The following ELOVL5 variants were observed in gnomAD, a reference collection of about 807,000 sequenced individuals.
The protein encoded by ELOVL5 is very long chain fatty acid elongase 5.
A neutral mutation model predicts 38.6 loss-of-function variants in ELOVL5; 8 were observed. The ratio of observed to expected loss-of-function variants is 0.21; its 90% CI spans 0.12 to 0.37. ELOVL5 has a LOEUF of 0.37. Among genes scored for constraint, ELOVL5 ranks in the 10% least tolerant of loss-of-function variants. ELOVL5 has a pLI of 1.00. For synonymous variants in ELOVL5, 127 were observed against 133.7 expected (o/e 0.95, Z 0.34); for missense variants, 280 against 367.8 (o/e 0.76, Z 1.95).
chr6:53,328,317 A>T (rs1768637635), intron 1 of ELOVL5, among the ~76,000 whole-genome samples: 1 of 150,220 alleles, frequency 6.7e-6, no homozygotes, highest in African/African-American at 2.4e-5. Flanking sequence ...ATATCCCATT[A>T]AAAAAAATCT....
chr6:53,301,010 T>C (rs1279316946), intron 1 of ELOVL5, among the ~76,000 whole-genome samples: 1 of 152,204 alleles, frequency 6.6e-6, no homozygotes, highest in Non-Finnish European at 1.5e-5. Context: ...ATCACCAGGC[T>C]AGGCTGGCCT....
At chr6:53,295,966 T>C (rs1050873942) in intron 1 of ELOVL5, among the ~76,000 whole-genome samples, 9 of 152,074 alleles carry the variant, frequency 5.9e-5, no homozygotes, top group Non-Finnish European at 8.8e-5. Flanking sequence ...CTTAGTTCCA[T>C]AAAAACTCTT....
intron 1 of ELOVL5, among the ~76,000 whole-genome samples, chr6:53,305,334 C>T (rs1257607789): frequency 4.5e-5 from 3 of 66,930 alleles, no homozygotes; most frequent in African/African-American, 8.4e-5. Context: ...GGGGGCTGAC[C>T]CCCCCACCTC....
intron 4 of ELOVL5, 62 bp from the exon 5 acceptor site, chr6:53,275,323 T>C (rs916920499): frequency 6.5e-7 from 1 of 1,543,868 alleles, no homozygotes; most frequent in African/African-American, 1.4e-5. Flanking sequence ...ATATCACCTC[T>C]GACATGTTTC....
chr6:53,342,511 T>C (rs1769373320), intron 1 of ELOVL5, among the ~76,000 whole-genome samples: 1 of 152,224 alleles, frequency 6.6e-6, no homozygotes, highest in Non-Finnish European at 1.5e-5. Flanking sequence ...AGATTAATTC[T>C]GACAGGATGA....
At chr6:53,283,130 A>C (rs1366077326) in intron 3 of ELOVL5, among the ~76,000 whole-genome samples, 1 of 152,240 alleles carries the variant, frequency 6.6e-6, no homozygotes, top group African/African-American at 2.4e-5. Flanking sequence ...AAACTGAACA[A>C]AAGCAGAACC....
chr6:53,334,401 C>T (rs1486839215), intron 1 of ELOVL5, among the ~76,000 whole-genome samples: 2 of 152,124 alleles, frequency 1.3e-5, no homozygotes, highest in Non-Finnish European at 2.9e-5. Context: ...TAACTTTTAT[C>T]TTTACTTAAT....
At chr6:53,273,179 A>G (rs1400913821) in intron 6 of ELOVL5, 41 bp downstream of exon 6, 2 of 1,609,306 alleles carry the variant, frequency 1.2e-6, no homozygotes, top group East Asian at 2.2e-5. Context: ...GTCTGTATCC[A>G]CCAGGAAGTA....
At chr6:53,291,360 A>G (rs1261955499) in intron 3 of ELOVL5, among the ~76,000 whole-genome samples, 1 of 152,208 alleles carries the variant, frequency 6.6e-6, no homozygotes, top group Non-Finnish European at 1.5e-5. Context: ...ACCAAACACA[A>G]GTGCCACCCA....
At chr6:53,333,896 T>C (rs1161253036) in intron 1 of ELOVL5, among the ~76,000 whole-genome samples, 1 of 151,024 alleles carries the variant, frequency 6.6e-6, no homozygotes, top group Non-Finnish European at 1.5e-5. Context: ...GAAACAACAT[T>C]AGGTAGAAGG....
chr6:53,294,821 A>G (rs903916537), intron 2 of ELOVL5, among the ~76,000 whole-genome samples: 1 of 152,232 alleles, frequency 6.6e-6, no homozygotes, highest in African/African-American at 2.4e-5. Flanking sequence ...GTATCATTGC[A>G]TAACTAATCA....
chr6:53,273,922 T>C (rs1766015350), intron 5 of ELOVL5, among the ~76,000 whole-genome samples: 2 of 152,198 alleles, frequency 1.3e-5, no homozygotes. Context: ...GTAGGACCAC[T>C]AGTTCTTTTT....
chr6:53,314,248 G>GC (rs1257953215), intron 1 of ELOVL5, among the ~76,000 whole-genome samples: 1 of 152,116 alleles, frequency 6.6e-6, no homozygotes, highest in African/African-American at 2.4e-5. Context: ...TCAATTCTCT[G>GC]CAAGTACCAA....
chr6:53,301,298 G>T (rs910069880), intron 1 of ELOVL5, among the ~76,000 whole-genome samples: 4 of 152,186 alleles, frequency 2.6e-5, no homozygotes, highest in African/African-American at 9.7e-5. Context: ...GGCAGCCTGG[G>T]TGAGCTGGGT....
chr6:53,329,739 G>A (rs1194200882), intron 1 of ELOVL5, among the ~76,000 whole-genome samples: 1 of 152,130 alleles, frequency 6.6e-6, no homozygotes, highest in East Asian at 1.9e-4. Flanking sequence ...CAGGAGAATT[G>A]CTGGAACTCA....
At chr6:53,308,109 A>G (rs965627562) in intron 1 of ELOVL5, among the ~76,000 whole-genome samples, 12 of 132,982 alleles carry the variant, frequency 9.0e-5, no homozygotes, top group African/African-American at 3.6e-4. Flanking sequence ...AAATAACATT[A>G]TCAAGTTAAA....
At chr6:53,311,163 T>TAG (rs964966473) in intron 1 of ELOVL5, among the ~76,000 whole-genome samples, 1 of 152,126 alleles carries the variant, frequency 6.6e-6, no homozygotes, top group African/African-American at 2.4e-5. Context: ...CACAAAAGCC[T>TAG]AGAGACAGCC....
At chr6:53,298,603 G>C (rs1039144979) in intron 1 of ELOVL5, among the ~76,000 whole-genome samples, 2 of 152,144 alleles carry the variant, frequency 1.3e-5, no homozygotes, top group African/African-American at 4.8e-5. Flanking sequence ...GGCCCTTAGA[G>C]CAGTGTCTGG....
chr6:53,333,199 T>C (rs1310471472), intron 1 of ELOVL5, among the ~76,000 whole-genome samples: 1 of 152,194 alleles, frequency 6.6e-6, no homozygotes, highest in Non-Finnish European at 1.5e-5. Context: ...TAAAGGTGGA[T>C]TACATATCCT....
Sources: gnomAD v4.1 joint callset for allele counts (sites outside exome capture counted in the v4.1 genomes callset) on GRCh38, gnomAD v4.1.1 for gene constraint, MANE v1.5 for transcripts, NCBI Gene and HGNC (gene_info 2026-07-23, HGNC 2026-07-21) for gene names.